The following STEAP2 variants were observed in gnomAD, a reference collection of about 807,000 sequenced individuals.
STEAP2 encodes metalloreductase STEAP2.
STEAP2 carries 30 observed loss-of-function variants against 46.4 expected under a neutral mutation model. The ratio of observed to expected loss-of-function variants is 0.65; its 90% CI spans 0.48 to 0.88. The LOEUF is 0.88. Among genes scored for constraint, STEAP2 ranks in the 40% least tolerant of loss-of-function variants. STEAP2 has a pLI of 0.00. For missense variants in STEAP2, 513 were observed against 579.3 expected (o/e 0.89, Z 1.18); for synonymous variants, 180 against 200.5 (o/e 0.90, Z 0.86).
At chr7:90,227,682 T>C (rs1379604664) in intron 4 of STEAP2, among the ~76,000 whole-genome samples, 184 bp downstream of exon 4, 3 of 152,170 alleles carry the variant, frequency 2.0e-5, no homozygotes, top group Admixed American at 6.6e-5. Flanking sequence ...TCAAAATTAT[T>C]TAAGTAAAGG....
chr7:90,230,750 G>A (rs1040495967), intron 5 of STEAP2, among the ~76,000 whole-genome samples: 2 of 151,630 alleles, frequency 1.3e-5, no homozygotes, highest in African/African-American at 4.8e-5. Context: ...CACAAAATCT[G>A]TACTGGTTGT....
rs866198885 is a variant in STEAP2, at chr7:90,232,375, C to T, written c.1224C>T (p.Phe408=). 6.2e-7 allele frequency: 1 copy of T among 1,612,998 alleles called. No homozygotes were observed. The highest frequency in any genetic ancestry group is 8.5e-7 in the Non-Finnish European group (1 of 1,179,386). ...ATGTCGCTCTGCTCATAAGTACTTTCCATGTTTTAATTTATGGATGGAAAC... is the reference window on the plus strand; with the variant it reads ...ATGTCGCTCTGCTCATAAGTACTTTTCATGTTTTAATTTATGGATGGAAAC... ...LGYVALLIST[F]HVLIYGWKRA... is the part of the protein sequence containing the mutation. The change falls in exon 6 of 6, where the codon TTC becomes TTT. Residue 408 remains phenylalanine, a synonymous_variant. Coordinates refer to ENST00000394621, the MANE Select transcript of STEAP2 (RefSeq NM_001244944.2).
chr7:90,241,952 G>A (rs182336115), downstream of STEAP2, among the ~76,000 whole-genome samples: 2 of 152,228 alleles, frequency 1.3e-5, no homozygotes, highest in East Asian at 1.9e-4. Context: ...AATGTTATGC[G>A]GGAGGAAACC....
downstream of STEAP2, among the ~76,000 whole-genome samples, chr7:90,237,857 T>A (rs1796008819): frequency 6.6e-6 from 1 of 152,114 alleles, no homozygotes; most frequent in Admixed American, 6.6e-5. Flanking sequence ...TCATTAAGCA[T>A]CTTTAAATCA....
Position 90,236,987 on chromosome 7 carries a change from C to T in STEAP2, c.*4363C>T. 1 of 1,610,676 alleles carries T rather than the reference C, an allele frequency of 6.2e-7. No homozygotes were observed. Among genetic ancestry groups the T allele is most frequent in the Non-Finnish European group, 8.5e-7 (1 of 1,177,310 alleles). ...TTAAAAGCGGCTGCCCATTACATTC[C>T]TCAGCTGTCCTTGCAGTTAGGTGTA... is the stretch of plus-strand genomic sequence containing the variant. On this transcript the variant is annotated 3_prime_UTR_variant, in exon 6 of 6. Coordinates refer to ENST00000394621, the MANE Select transcript of STEAP2 (RefSeq NM_001244944.2).
At chr7:90,222,985 A>T (rs1317826770) in intron 2 of STEAP2, among the ~76,000 whole-genome samples, 1 of 152,206 alleles carries the variant, frequency 6.6e-6, no homozygotes, top group Non-Finnish European at 1.5e-5. Flanking sequence ...CCCAATTTCG[A>T]CACTAATTCA....
rs1335259087 is a variant in STEAP2 at position 90,227,615 on chromosome 7, G to T, written c.1020+117G>T. On this transcript the variant is annotated intron_variant, in intron 4 of 5. Coordinates refer to ENST00000394621, the MANE Select transcript of STEAP2 (RefSeq NM_001244944.2). ...GGAAATTTGATTTTGGTATACTGCGGGAGGGGAAAGAATTGTTCTTTAAAC... is the reference window on the plus strand; with the variant it reads ...GGAAATTTGATTTTGGTATACTGCGTGAGGGGAAAGAATTGTTCTTTAAAC... 3 of 989,306 alleles carry T rather than the reference G, an allele frequency of 3.0e-6. No individual in the cohort carries two copies. The African/African-American group carries it at 4.9e-5, about 16-fold the overall frequency. The allele number at this position is 989,306 out of a possible 1,614,324, so 61.3% of individuals were successfully genotyped here.
At position 90,237,498 on chromosome 7, in the gene STEAP2, T is replaced by G. The variant is rs1409232057; in HGVS notation, c.*4874T>G. 2 of 153,266 alleles carry G rather than the reference T, an allele frequency of 1.3e-5. No individual in the cohort carries two copies. Among genetic ancestry groups the G allele is most frequent in the African/African-American group, 4.8e-5 (2 of 41,476 alleles). 9.5% of individuals were successfully genotyped at this position (153,266 alleles called of 1,614,324 possible). A position where few individuals can be genotyped will look rare whatever the true frequency, so the allele number is the denominator to read the frequency against. On this transcript the variant is annotated 3_prime_UTR_variant, in exon 6 of 6. Transcript: ENST00000394621. ...ATCTTCTTTTTAACTGTGTAATTGG[T>G]AATTACTAAAACTCTGTAATCTCCA...
At chr7:90,217,825 T>G (rs1434990839) in intron 2 of STEAP2, among the ~76,000 whole-genome samples, 4 of 152,100 alleles carry the variant, frequency 2.6e-5, no homozygotes, top group Non-Finnish European at 5.9e-5. Flanking sequence ...CCATTTTTAG[T>G]CTTTTGAGAA....
intron 4 of STEAP2, 39 bp from the exon 5 acceptor site, chr7:90,229,833 C>G: frequency 6.2e-7 from 1 of 1,600,456 alleles, no homozygotes; most frequent in Non-Finnish European, 8.5e-7. Context: ...AGTTAATGTT[C>G]TACTAAATAA....
At chr7:90,212,586 T>C (rs1034569640) in intron 1 of STEAP2, among the ~76,000 whole-genome samples, 1 of 152,238 alleles carries the variant, frequency 6.6e-6, no homozygotes. Flanking sequence ...GTGTTCAGCC[T>C]CAGCCAAAAC....
chr7:90,228,128 G>T (rs1795576426), intron 4 of STEAP2, among the ~76,000 whole-genome samples: 1 of 152,088 alleles, frequency 6.6e-6, no homozygotes, highest in Non-Finnish European at 1.5e-5. Context: ...CATGGAAGGG[G>T]TTTGATTATG....
intron 2 of STEAP2, among the ~76,000 whole-genome samples, chr7:90,217,956 G>T (rs954148418): frequency 2.6e-5 from 4 of 152,050 alleles, no homozygotes; most frequent in African/African-American, 9.7e-5. Context: ...TTTAATAATA[G>T]CAGTTCTAAT....
chr7:90,221,638 C>T (rs1056941154), intron 2 of STEAP2, among the ~76,000 whole-genome samples: 1 of 152,040 alleles, frequency 6.6e-6, no homozygotes. Flanking sequence ...GAAAACTTCC[C>T]AAGTCTAGTG....
intron 5 of STEAP2, among the ~76,000 whole-genome samples, chr7:90,230,670 A>G (rs1437755759): frequency 2.0e-5 from 3 of 151,966 alleles, no homozygotes; most frequent in South Asian, 2.1e-4. Flanking sequence ...ACCTTCTCCA[A>G]TAATATCTAA....
chr7:90,229,329 G>A (rs1795638439), intron 4 of STEAP2, among the ~76,000 whole-genome samples: 1 of 152,114 alleles, frequency 6.6e-6, no homozygotes. Context: ...TTTATAGCTA[G>A]GGAAATCACA....
chr7:90,227,532 G>A lies in STEAP2; in HGVS notation c.1020+34G>A, dbSNP rs201983360. On this transcript the variant is annotated intron_variant, in intron 4 of 5. Coordinates refer to ENST00000394621, the MANE Select transcript of STEAP2 (RefSeq NM_001244944.2). ...TGTGCTTGTTATTTATCTGATGCTAGTAAAATACTTTTTATTAGTATAAAT... is the reference window on the plus strand; with the variant it reads ...TGTGCTTGTTATTTATCTGATGCTAATAAAATACTTTTTATTAGTATAAAT... 49 of 1,473,534 alleles carry A rather than the reference G, an allele frequency of 3.3e-5. No individual in the cohort carries two copies. In the East Asian group the frequency reaches 9.7e-4, roughly 29 times the overall value. 91.3% of individuals were successfully genotyped at this position (1,473,534 alleles called of 1,614,324 possible).
rs184342595 is a variant in STEAP2 at position 90,225,558 on chromosome 7, A to C, written c.476A>C (p.Lys159Thr). Reference protein sequence around the residue: ...VSAWALQLGPKDASRQVYICS... With the variant: ...VSAWALQLGPTDASRQVYICS... ...GCTTGGGCACTTCAGTTAGGACCTA[A>C]GGATGCCAGCCGGCAGGTATGTATT... The change falls in exon 3 of 6, where the codon AAG (lysine) becomes ACG (threonine). Residue 159 changes from lysine to threonine, a missense_variant. Lys to Thr is a moderately conservative substitution (Grantham distance 78). Transcript: ENST00000394621. 6.3e-7 allele frequency: 1 copy of C among 1,596,046 alleles called. No individual in the cohort carries two copies. Among genetic ancestry groups the C allele is most frequent in the Non-Finnish European group, 8.5e-7 (1 of 1,173,232 alleles).
chr7:90,223,506 C>T (rs1332277960), intron 2 of STEAP2, among the ~76,000 whole-genome samples: 2 of 152,198 alleles, frequency 1.3e-5, no homozygotes, highest in African/African-American at 2.4e-5. Context: ...GATGAGTTTT[C>T]CCTATGTCAT....
Sources: allele counts gnomAD v4.1 joint callset (sites outside exome capture counted in the v4.1 genomes callset), GRCh38; gene constraint gnomAD v4.1.1; transcripts MANE v1.5; gene names NCBI Gene and HGNC (gene_info 2026-07-23, HGNC 2026-07-21).